Variants in SH3RF3 observed in about 807,000 individuals in gnomAD.
The protein encoded by SH3RF3 is E3 ubiquitin-protein ligase SH3RF3.
Under a neutral mutation model 66.3 loss-of-function variants are expected in SH3RF3, and 29 were observed. The ratio of observed to expected loss-of-function variants is 0.44; its 90% CI spans 0.33 to 0.60. SH3RF3 has a LOEUF of 0.60. SH3RF3 is among the 20% of genes least tolerant of loss of function. The pLI, the probability that SH3RF3 is intolerant of heterozygous loss-of-function variation, is 0.04. For missense variants in SH3RF3, 1,194 were observed against 1,190.9 expected, an observed-to-expected ratio of 1.00 and a Z score of -0.04; for synonymous variants, 583 against 532.0, an observed-to-expected ratio of 1.10 and a Z score of -1.32.
chr2:109,158,001 G>GTTC (rs1677391074), intron 1 of SH3RF3, among the ~76,000 whole-genome samples: 3 of 152,292 alleles, frequency 2.0e-5, no homozygotes, highest in Middle Eastern at 3.4e-3. Flanking sequence ...CCTTGAGCCC[G>GTTC]TGGTATGTTC....
At chr2:109,229,699 A>T (rs985408520) in intron 1 of SH3RF3, among the ~76,000 whole-genome samples, 7 of 152,306 alleles carry the variant, frequency 4.6e-5, no homozygotes, top group African/African-American at 1.7e-4. Context: ...TGGTGACTAC[A>T]TCTAGGTACC....
intron 5 of SH3RF3, among the ~76,000 whole-genome samples, chr2:109,430,123 G>A (rs947151651): frequency 9.2e-5 from 14 of 152,328 alleles, no homozygotes; most frequent in Admixed American, 7.2e-4. Flanking sequence ...CACTCCAGAG[G>A]AAAGGCAGCC....
At chr2:109,233,195 C>T (rs1182230444) in intron 1 of SH3RF3, among the ~76,000 whole-genome samples, 2 of 152,188 alleles carry the variant, frequency 1.3e-5, no homozygotes, top group South Asian at 2.1e-4. Flanking sequence ...GCTTCTTACA[C>T]CTTGTCCTCT....
chr2:109,435,602 G>A (rs1366732242), intron 6 of SH3RF3, among the ~76,000 whole-genome samples: 2 of 152,220 alleles, frequency 1.3e-5, no homozygotes, highest in African/African-American at 4.8e-5. Flanking sequence ...CACGCACTAA[G>A]GAAGTAGGAC....
chr2:109,255,771 C>T (rs1680208853), intron 1 of SH3RF3, among the ~76,000 whole-genome samples: 1 of 152,208 alleles, frequency 6.6e-6, no homozygotes, highest in African/African-American at 2.4e-5. Context: ...TCTCAGCTTC[C>T]TGATTTAATG....
chr2:109,196,966 G>C (rs759500885), intron 1 of SH3RF3, among the ~76,000 whole-genome samples: 3 of 152,224 alleles, frequency 2.0e-5, no homozygotes, highest in Non-Finnish European at 4.4e-5. Context: ...CCTGTGCTGG[G>C]CACTGGGAAC....
At chr2:109,376,846 G>A (rs534648642) in intron 3 of SH3RF3, among the ~76,000 whole-genome samples, 7 of 152,220 alleles carry the variant, frequency 4.6e-5, no homozygotes, top group Non-Finnish European at 8.8e-5. Flanking sequence ...ACAGTAAAGG[G>A]CGGGGAGGAA....
intron 1 of SH3RF3, among the ~76,000 whole-genome samples, chr2:109,336,825 A>G (rs1450590064): frequency 1.3e-5 from 2 of 152,176 alleles, no homozygotes; most frequent in East Asian, 3.8e-4. Context: ...TGGGGTGCCG[A>G]GGGACCCTCT....
chr2:109,219,706 A>G (rs930975455), intron 1 of SH3RF3, among the ~76,000 whole-genome samples: 3 of 152,362 alleles, frequency 2.0e-5, no homozygotes, highest in South Asian at 2.1e-4. Flanking sequence ...ATCAAAAAGA[A>G]TAAAATACTT....
At chr2:109,224,461 G>C (rs1054138355) in intron 1 of SH3RF3, among the ~76,000 whole-genome samples, 1 of 152,240 alleles carries the variant, frequency 6.6e-6, no homozygotes, top group Non-Finnish European at 1.5e-5. Context: ...TAGCAGCAGT[G>C]ATGGAAATGT....
At chr2:109,388,332 T>C (rs370963391) in intron 3 of SH3RF3, among the ~76,000 whole-genome samples, 1 of 152,202 alleles carries the variant, frequency 6.6e-6, no homozygotes, top group African/African-American at 2.4e-5. Context: ...TTTGTGAACA[T>C]GGAACACATC....
intron 1 of SH3RF3, among the ~76,000 whole-genome samples, chr2:109,181,671 C>T (rs1464808270): frequency 6.6e-6 from 1 of 152,226 alleles, no homozygotes; most frequent in African/African-American, 2.4e-5. Context: ...CCAAATTTCC[C>T]TCCCGGCCAC....
intron 1 of SH3RF3, among the ~76,000 whole-genome samples, chr2:109,190,425 C>T (rs911953642): frequency 3.9e-5 from 6 of 152,200 alleles, no homozygotes; most frequent in Non-Finnish European, 5.9e-5. Context: ...CCACCCGCCT[C>T]GGCCACCCAA....
At chr2:109,495,168 G>A (rs891734292) in intron 9 of SH3RF3, among the ~76,000 whole-genome samples, 8 of 152,244 alleles carry the variant, frequency 5.3e-5, no homozygotes, top group Non-Finnish European at 7.3e-5. Context: ...ATGTGCAGAG[G>A]GAGCTGAATT....
At chr2:109,197,429 T>C (rs1247425074) in intron 1 of SH3RF3, among the ~76,000 whole-genome samples, 1 of 152,172 alleles carries the variant, frequency 6.6e-6, no homozygotes, top group African/African-American at 2.4e-5. Flanking sequence ...TTAATTTCTC[T>C]TATCTTGTTT....
chr2:109,452,079 G>T (rs1677888996), intron 8 of SH3RF3, among the ~76,000 whole-genome samples: 1 of 152,192 alleles, frequency 6.6e-6, no homozygotes, highest in African/African-American at 2.4e-5. Flanking sequence ...TGAACATTTT[G>T]CCCATCTGTG....
intron 8 of SH3RF3, among the ~76,000 whole-genome samples, chr2:109,454,309 G>T (rs72947128): frequency 0.013 from 1,959 of 152,290 alleles, 51 homozygotes; most frequent in African/African-American, 0.042. Flanking sequence ...AAGCGCCTCA[G>T]CTGGGCATGG....
At chr2:109,425,654 G>A (rs1159769508) in intron 5 of SH3RF3, among the ~76,000 whole-genome samples, 1 of 152,050 alleles carries the variant, frequency 6.6e-6, no homozygotes, top group Non-Finnish European at 1.5e-5. Flanking sequence ...TTTACAGCAT[G>A]GTTTCCTGAA....
At chr2:109,303,859 C>G (rs1418736863) in intron 1 of SH3RF3, among the ~76,000 whole-genome samples, 1 of 152,162 alleles carries the variant, frequency 6.6e-6, no homozygotes, top group African/African-American at 2.4e-5. Context: ...AGTTGTGCAT[C>G]GCCTCCTGCC....
Sources: gnomAD v4.1 joint callset for allele counts (sites outside exome capture counted in the v4.1 genomes callset) on GRCh38, gnomAD v4.1.1 for gene constraint, MANE v1.5 for transcripts, NCBI Gene and HGNC (gene_info 2026-07-23, HGNC 2026-07-21) for gene names.